The following CNTNAP2 variants were observed in gnomAD, a reference collection of about 807,000 sequenced individuals.
The protein encoded by CNTNAP2 is contactin associated protein 2, also known as contactin-associated protein-like 2.
CNTNAP2 carries 98 observed loss-of-function variants against 155.2 expected under a neutral mutation model. The observed-to-expected ratio is 0.63, with a 90% CI of 0.54 to 0.75. The LOEUF (loss-of-function observed/expected upper bound fraction) is 0.75. Among genes scored for constraint, CNTNAP2 ranks in the 30% least tolerant of loss-of-function variants. The pLI is 0.00. For missense variants in CNTNAP2, 1,727 were observed against 1,688.1 expected (o/e 1.02, Z -0.40); for synonymous variants, 651 against 631.2 (o/e 1.03, Z -0.47).
At chr7:147,768,959 C>G (rs1797424567) in intron 13 of CNTNAP2, among the ~76,000 whole-genome samples, 1 of 152,044 alleles carries the variant, frequency 6.6e-6, no homozygotes, top group Admixed American at 6.6e-5. Flanking sequence ...CCTTTTCCTT[C>G]TAGTTTAATA....
At chr7:146,568,674 G>A (rs1013123567) in intron 1 of CNTNAP2, among the ~76,000 whole-genome samples, 2 of 152,056 alleles carry the variant, frequency 1.3e-5, no homozygotes, top group Admixed American at 6.5e-5. Context: ...CCTCAGGAGA[G>A]GTTTTACAGA....
At chr7:146,575,959 T>A (rs1798517943) in intron 1 of CNTNAP2, among the ~76,000 whole-genome samples, 1 of 152,190 alleles carries the variant, frequency 6.6e-6, no homozygotes, top group Non-Finnish European at 1.5e-5. Context: ...TACACCTTAA[T>A]GGTGATTCAA....
chr7:146,158,954 T>A (rs1244793287), intron 1 of CNTNAP2, among the ~76,000 whole-genome samples: 1 of 151,888 alleles, frequency 6.6e-6, no homozygotes, highest in Non-Finnish European at 1.5e-5. Context: ...TTCACCAAAG[T>A]TGAAATGAAG....
At chr7:147,662,608 G>A (rs1945781446) in intron 13 of CNTNAP2, among the ~76,000 whole-genome samples, 1 of 152,320 alleles carries the variant, frequency 6.6e-6, no homozygotes, top group East Asian at 1.9e-4. Flanking sequence ...GTGCGAGTGA[G>A]TGATGAACAC....
chr7:146,394,018 C>G (rs774630724), intron 1 of CNTNAP2, among the ~76,000 whole-genome samples: 2 of 152,114 alleles, frequency 1.3e-5, no homozygotes, highest in Non-Finnish European at 2.9e-5. Flanking sequence ...TTCTTCAGAT[C>G]TTTTCAAAGG....
chr7:147,403,233 C>T (rs1334139569), intron 10 of CNTNAP2, among the ~76,000 whole-genome samples: 7 of 152,186 alleles, frequency 4.6e-5, no homozygotes, highest in Admixed American at 4.6e-4. Context: ...CTACCTATCA[C>T]CTGGGAGCCC....
Position 148,024,417 on chromosome 7 carries a change from A to T in CNTNAP2, c.2383+46428A>T, listed in dbSNP as rs144628264. Among the ~76,000 whole-genome samples, 943 of 152,336 alleles carry T rather than the reference A, an allele frequency of 6.2e-3. 11 individuals carry two copies. The highest frequency in any genetic ancestry group is 0.021 in the African/African-American group (860 of 41,576). On this transcript the variant is annotated intron_variant, in intron 15 of 23. Coordinates refer to ENST00000361727, the MANE Select transcript of CNTNAP2 (RefSeq NM_014141.6). ...CACTTCTAGCTATGAAAGCAGCTGC[A>T]TGATACTGGAAACACAGTGTCTCCA...
chr7:147,587,009 A>G (rs1242499920), intron 12 of CNTNAP2, among the ~76,000 whole-genome samples: 1 of 152,172 alleles, frequency 6.6e-6, no homozygotes, highest in Admixed American at 6.6e-5. Flanking sequence ...TGAATTGAGT[A>G]GATACTGGCA....
intron 1 of CNTNAP2, among the ~76,000 whole-genome samples, chr7:146,744,029 C>A (rs1347584108): frequency 1.3e-5 from 2 of 151,812 alleles, no homozygotes; most frequent in African/African-American, 4.8e-5. Flanking sequence ...GAGTTTGAGA[C>A]CAGCCTTGCC....
At chr7:147,767,655 A>C (rs1797402972) in intron 13 of CNTNAP2, among the ~76,000 whole-genome samples, 1 of 152,064 alleles carries the variant, frequency 6.6e-6, no homozygotes. Flanking sequence ...AGACAGATGG[A>C]GGAGATTGGG....
intron 1 of CNTNAP2, among the ~76,000 whole-genome samples, chr7:146,385,287 A>T (rs917873448): frequency 1.3e-5 from 2 of 152,178 alleles, no homozygotes; most frequent in Non-Finnish European, 2.9e-5. Flanking sequence ...TAGGGATTAA[A>T]GTTAATTCCC....
At chr7:148,046,908 T>G (rs1237494189) in intron 15 of CNTNAP2, among the ~76,000 whole-genome samples, 1 of 152,176 alleles carries the variant, frequency 6.6e-6, no homozygotes, top group African/African-American at 2.4e-5. Flanking sequence ...TTTTTCCTTT[T>G]GGGAATACAA....
intron 3 of CNTNAP2, among the ~76,000 whole-genome samples, chr7:147,032,877 G>C (rs1799062815): frequency 6.6e-6 from 1 of 151,874 alleles, no homozygotes; most frequent in Non-Finnish European, 1.5e-5. Flanking sequence ...TTGTTGAGTA[G>C]GCTGAGAACA....
chr7:148,163,304 A>G (rs1300247191), intron 17 of CNTNAP2, among the ~76,000 whole-genome samples: 1 of 152,174 alleles, frequency 6.6e-6, no homozygotes, highest in Non-Finnish European at 1.5e-5. Flanking sequence ...GGAGATAATA[A>G]TATCTAGCTC....
intron 13 of CNTNAP2, among the ~76,000 whole-genome samples, chr7:147,786,642 G>C (rs1215529832): frequency 6.6e-6 from 1 of 152,102 alleles, no homozygotes; most frequent in African/African-American, 2.4e-5. Flanking sequence ...ATATTTGAGA[G>C]AACTCTTAAG....
chr7:148,168,786 G>A (rs1377483888), intron 17 of CNTNAP2, among the ~76,000 whole-genome samples: 1 of 152,146 alleles, frequency 6.6e-6, no homozygotes, highest in Non-Finnish European at 1.5e-5. Flanking sequence ...AATCATTGCT[G>A]AAGATCCATG....
intron 9 of CNTNAP2, among the ~76,000 whole-genome samples, chr7:147,356,286 C>A (rs925654615): frequency 2.0e-5 from 3 of 152,014 alleles, no homozygotes; most frequent in Admixed American, 1.3e-4. Context: ...GAAGGTATCT[C>A]AAAATAATAC....
chr7:148,030,700 G>A (rs1444330987), intron 15 of CNTNAP2, among the ~76,000 whole-genome samples: 3 of 132,716 alleles, frequency 2.3e-5, no homozygotes, highest in Non-Finnish European at 4.7e-5. Context: ...AGGTGGTAAA[G>A]TTTATTCTTG....
chr7:146,602,619 A>G (rs967865227), intron 1 of CNTNAP2, among the ~76,000 whole-genome samples: 6 of 152,236 alleles, frequency 3.9e-5, no homozygotes, highest in African/African-American at 1.4e-4. Context: ...TAAATATGAC[A>G]TAACTACGTT....
Sources: allele counts gnomAD v4.1 joint callset (sites outside exome capture counted in the v4.1 genomes callset), GRCh38; gene constraint gnomAD v4.1.1; transcripts MANE v1.5; gene names NCBI Gene and HGNC (gene_info 2026-07-23, HGNC 2026-07-21).